The following ABLIM1 variants were observed in gnomAD, a reference collection of about 807,000 sequenced individuals.
ABLIM1 encodes actin-binding LIM protein 1.
A neutral mutation model predicts 107.0 loss-of-function variants in ABLIM1; 40 were observed. The observed-to-expected ratio is 0.37, with a 90% CI of 0.29 to 0.49. The LOEUF (loss-of-function observed/expected upper bound fraction) is 0.49. ABLIM1 is among the 20% of genes least tolerant of loss of function. The probability of loss-of-function intolerance (pLI) is 0.97; values close to 1 mark genes in which losing one functional copy is unlikely to be tolerated. For synonymous variants in ABLIM1, 357 were observed against 357.3 expected, an observed-to-expected ratio of 1.00 and a Z score of 0.01; for missense variants, 857 against 1,008.5, an observed-to-expected ratio of 0.85 and a Z score of 2.04.
At chr10:114,620,969 T>A (rs2077430566) in intron 1 of ABLIM1, among the ~76,000 whole-genome samples, 1 of 152,128 alleles carries the variant, frequency 6.6e-6, no homozygotes, top group South Asian at 2.1e-4. Flanking sequence ...CTGACCCCAG[T>A]TCTAATCATC....
chr10:114,745,052 C>T (rs1184468241), intron 1 of ABLIM1, among the ~76,000 whole-genome samples: 1 of 152,142 alleles, frequency 6.6e-6, no homozygotes, highest in Non-Finnish European at 1.5e-5. Flanking sequence ...GGTGCTCTCT[C>T]TCTCCTTCAG....
At chr10:114,464,214 C>CTTG (rs1160266538) in intron 12 of ABLIM1, among the ~76,000 whole-genome samples, 1 of 141,940 alleles carries the variant, frequency 7.0e-6, no homozygotes, top group Admixed American at 7.3e-5. Flanking sequence ...GAGATGGAGT[C>CTTG]TTGCTCTGTC....
intron 8 of ABLIM1, among the ~76,000 whole-genome samples, chr10:114,478,862 T>C (rs2056894307): frequency 6.6e-6 from 1 of 152,222 alleles, no homozygotes; most frequent in African/African-American, 2.4e-5. Context: ...ATGGGCATCT[T>C]GTTTGCAGGT....
chr10:114,526,711 A>G (rs2064821675), intron 6 of ABLIM1: 1 of 985,450 alleles, frequency 1.0e-6, no homozygotes, highest in African/African-American at 1.7e-5. Context: ...TGTGCTGAGC[A>G]GAGAACTCCT....
At chr10:114,790,722 A>C in the ABLIM1 span, among the ~76,000 whole-genome samples, 1 of 152,314 alleles carries the variant, frequency 6.6e-6, no homozygotes, top group East Asian at 1.9e-4. Flanking sequence ...TTTTGTTTAC[A>C]CTAGAAGCAT....
intron 8 of ABLIM1, among the ~76,000 whole-genome samples, chr10:114,478,347 G>A (rs1313394498): frequency 6.6e-6 from 1 of 152,074 alleles, no homozygotes; most frequent in African/African-American, 2.4e-5. Context: ...TCTGCTACTC[G>A]CATCTTCAAA....
intron 1 of ABLIM1, among the ~76,000 whole-genome samples, chr10:114,723,746 T>C (rs531099201): frequency 1.3e-5 from 2 of 152,350 alleles, no homozygotes; most frequent in South Asian, 2.1e-4. Context: ...GTTATCTGAT[T>C]CTAGCCCTGT....
chr10:114,583,578 A>G (rs1591392052), intron 2 of ABLIM1, among the ~76,000 whole-genome samples: 1 of 148,988 alleles, frequency 6.7e-6, no homozygotes, highest in South Asian at 2.2e-4. Context: ...TCAAAGAACT[A>G]AAAATGGAAC....
chr10:114,629,468 C>T lies in ABLIM1; in HGVS notation c.245-27507G>A, dbSNP rs973990441. Among the ~76,000 whole-genome samples the T allele has an allele frequency of 6.6e-6, 1 of 152,164 alleles. No individual in the cohort carries two copies. The highest frequency in any genetic ancestry group is 2.4e-5 in the African/African-American group (1 of 41,442). ...CAGGTTCCTGTTCCTGCTCTGACAA[C>T]GGGCCAACCTGTTTTGGTTGTTTGA... On this transcript the variant is annotated intron_variant, in intron 1 of 22. Coordinates refer to ENST00000533213, the MANE Select transcript of ABLIM1 (RefSeq NM_002313.7). This position sits in a 1 kb window ranked among gnomAD's most constrained non-coding sequence, Gnocchi z 4.0.
intron 2 of ABLIM1, among the ~76,000 whole-genome samples, chr10:114,579,107 C>A (rs1565994319): frequency 6.6e-6 from 1 of 152,096 alleles, no homozygotes; most frequent in Non-Finnish European, 1.5e-5. Context: ...TTTCTTTGAT[C>A]CATTCCCTCC....
intron 6 of ABLIM1, among the ~76,000 whole-genome samples, chr10:114,528,926 G>T (rs571627766): frequency 2.2e-4 from 34 of 152,220 alleles, no homozygotes; most frequent in South Asian, 1.9e-3. Context: ...GACCATTTGG[G>T]GTTAAGGATG....
At chr10:114,537,406 T>A (rs959486173) in intron 6 of ABLIM1, among the ~76,000 whole-genome samples, 1 of 152,236 alleles carries the variant, frequency 6.6e-6, no homozygotes, top group African/African-American at 2.4e-5. Flanking sequence ...CTTTGAAATA[T>A]ACAGTATATT....
intron 2 of ABLIM1, among the ~76,000 whole-genome samples, chr10:114,578,437 G>A (rs1183872091): frequency 7.1e-5 from 10 of 141,088 alleles, no homozygotes; most frequent in Non-Finnish European, 1.1e-4. Context: ...ATGGAGTTTC[G>A]CTCTTGCTGT....
intron 6 of ABLIM1, among the ~76,000 whole-genome samples, chr10:114,528,477 G>A (rs1192587067): frequency 2.6e-5 from 4 of 152,154 alleles, no homozygotes; most frequent in South Asian, 4.1e-4. Flanking sequence ...GAGACTATTG[G>A]CTTATACATC....
At chr10:114,678,562 T>C (rs372996797) in intron 1 of ABLIM1, among the ~76,000 whole-genome samples, 1 of 152,268 alleles carries the variant, frequency 6.6e-6, no homozygotes, top group Non-Finnish European at 1.5e-5. Flanking sequence ...TATTTATGTA[T>C]TGTCTACGGC....
Position 114,647,587 on chromosome 10 carries a change from G to A in ABLIM1, c.244+10370C>T, listed in dbSNP as rs78782189. 9.7e-3 allele frequency among the ~76,000 whole-genome samples: 1,482 copies of A among 152,320 alleles called. 23 individuals carry two copies. The highest frequency in any genetic ancestry group is 0.067 in the East Asian group (347 of 5,180). ...TGGACAGAAAGGGAGCTGGCTGAGC[G>A]CTAGCTGTGGCCCTAGCTATTTGAC... On this transcript the variant is annotated intron_variant, in intron 1 of 22. Transcript: ENST00000533213.
In ABLIM1 at chr10:114,572,435, G is replaced by A. The variant is rs567551835; in HGVS notation, c.564-1029C>T. Among the ~76,000 whole-genome samples, 48 of 152,270 alleles carry A rather than the reference G, an allele frequency of 3.2e-4. No homozygotes were observed. The South Asian group carries it at 5.2e-3, about 16-fold the overall frequency. ...AATAAACAACATATAGGTAAATTTG[G>A]AGTTAACCCCACAAATGTGGCTGGC... is the stretch of plus-strand genomic sequence containing the variant. On this transcript the variant is annotated intron_variant, in intron 3 of 22. Coordinates refer to ENST00000533213, the MANE Select transcript of ABLIM1 (RefSeq NM_002313.7).
At chr10:114,790,673 A>G in the ABLIM1 span, among the ~76,000 whole-genome samples, 6 of 152,130 alleles carry the variant, frequency 3.9e-5, no homozygotes, top group Non-Finnish European at 5.9e-5. Flanking sequence ...TCTCCAACTT[A>G]ATTGGTTCAG....
At chr10:114,788,413 C>CA in the ABLIM1 span, among the ~76,000 whole-genome samples, 10,903 of 128,960 alleles carry the variant, frequency 0.085, 420 homozygotes, top group Middle Eastern at 0.11. Flanking sequence ...GAGTCAACTC[C>CA]AAAAAAAAAA....
Sources: allele counts gnomAD v4.1 joint callset (sites outside exome capture counted in the v4.1 genomes callset), GRCh38; gene constraint gnomAD v4.1.1; non-coding constraint Gnocchi (gnomAD v3.1); transcripts MANE v1.5; gene names NCBI Gene and HGNC (gene_info 2026-07-23, HGNC 2026-07-21).